The following ADAMTS5 variants were observed in gnomAD, a reference collection of about 807,000 sequenced individuals.
ADAMTS5 encodes ADAM metallopeptidase with thrombospondin type 1 motif 5, also known as A disintegrin and metalloproteinase with thrombospondin motifs 5.
Under a neutral mutation model 81.4 loss-of-function variants are expected in ADAMTS5, and 54 were observed. The ratio of observed to expected loss-of-function variants is 0.66; its 90% CI spans 0.53 to 0.83. The LOEUF (loss-of-function observed/expected upper bound fraction) is 0.83. Among genes scored for constraint, ADAMTS5 ranks in the 40% least tolerant of loss-of-function variants. The pLI is 0.00. For missense variants in ADAMTS5, 1,194 were observed against 1,229.9 expected (o/e 0.97, Z 0.44); for synonymous variants, 532 against 508.8 (o/e 1.05, Z -0.61).
chr21:26,917,992 C>A lies in ADAMTS5; in HGVS notation c.*6061G>T, dbSNP rs190400635. The stretch of plus-strand genomic sequence containing the variant: ...AGTGTTTAATTTTACAGTTTAAAGT[C>A]ACACATAGGGAAATGCTTTACAAAA... On this transcript the variant is annotated 3_prime_UTR_variant, in exon 8 of 8. Transcript: ENST00000284987. The A allele has an allele frequency of 1.3e-5, 2 of 152,136 alleles. No homozygotes were observed. Among genetic ancestry groups the A allele is most frequent in the African/African-American group, 4.8e-5 (2 of 41,520 alleles). 9.4% of individuals were successfully genotyped at this position (152,136 alleles called of 1,614,324 possible). A position where few individuals can be genotyped will look rare whatever the true frequency, so the allele number is the denominator to read the frequency against.
At position 26,924,212 on chromosome 21, in the gene ADAMTS5, C is replaced by T. The variant is rs1348520513; in HGVS notation, c.2634G>A (p.Gln878=). The T allele has an allele frequency of 6.2e-7, 1 of 1,614,228 alleles. No individual in the cohort carries two copies. Residue 878 remains glutamine, a synonymous_variant, in exon 8 of 8, where the codon CAG becomes CAA. Transcript: ENST00000284987. ...AGGCGAGCCATGGGCCCGTGACCCACTGCGGCTGCGAAGTGTGTGATCCCA... is the reference window on the plus strand; with the variant it reads ...AGGCGAGCCATGGGCCCGTGACCCATTGCGGCTGCGAAGTGTGTGATCCCA... ...NKVGSHTSQP[Q]WVTGPWLACS...
At position 26,943,628 on chromosome 21, in the gene ADAMTS5, A is replaced by AT. The variant is rs370027932; in HGVS notation, c.1238-82dup. On this transcript the variant is annotated intron_variant, in intron 2 of 7. Coordinates refer to ENST00000284987, the MANE Select transcript of ADAMTS5 (RefSeq NM_007038.5). ...TCCATGACAATTATGCTAGGGCTTG[A>AT]TTTTTTTCCCCTAATTGTAGATGAG... 20 of 1,340,748 alleles carry AT rather than the reference A, an allele frequency of 1.5e-5. No individual in the cohort carries two copies. The African/African-American group carries it at 2.2e-4, about 15-fold the overall frequency. 83.1% of individuals were successfully genotyped at this position (1,340,748 alleles called of 1,614,324 possible).
intron 2 of ADAMTS5, among the ~76,000 whole-genome samples, chr21:26,944,769 C>A (rs549661709): frequency 3.9e-5 from 6 of 152,224 alleles, no homozygotes; most frequent in Middle Eastern, 3.4e-3. Context: ...TAAAACCCAA[C>A]AGAGATGAAA....
In ADAMTS5 at chr21:26,965,907, C is replaced by G; in HGVS notation, c.485G>C (p.Arg162Pro). 2 of 1,613,868 alleles carry G rather than the reference C, an allele frequency of 1.2e-6. No homozygotes were observed. The highest frequency in any genetic ancestry group is 1.7e-6 in the Non-Finnish European group (2 of 1,179,930). ...GCGCAGCAGTGGCTTTAGGGTGTAG[C>G]GCGCGTGCTTGACCGCGAAGAAGCC... ...LDGFFAVKHA[R>P]YTLKPLLRGP... The change falls in exon 1 of 8, where the codon CGC becomes CCC. Residue 162 changes from arginine (R) to proline (P), a missense_variant. By Grantham distance (103) the Arg-to-Pro change is moderately radical. This residue lies in a region of ADAMTS5 where 498 missense variants were observed against 412.3 expected (regional missense o/e 1.21). Transcript: ENST00000284987.
intron 7 of ADAMTS5, among the ~76,000 whole-genome samples, chr21:26,928,522 T>C (rs1465668682): frequency 6.6e-6 from 1 of 152,208 alleles, no homozygotes; most frequent in African/African-American, 2.4e-5. Context: ...GAAGAGAATA[T>C]GTACCATAAA....
At chr21:26,930,178 T>C (rs1313776354) in intron 6 of ADAMTS5, 117 bp from the exon 7 acceptor site, 29 of 886,336 alleles carry the variant, frequency 3.3e-5, no homozygotes, top group Non-Finnish European at 4.1e-5. Flanking sequence ...GGACAGTCCA[T>C]TGAAAAAAAA....
At position 26,966,490 on chromosome 21, in the gene ADAMTS5, A is replaced by G. The variant is rs1987678231; in HGVS notation, c.-99T>C. ...GGGCGGGGGATGGGGACACACACAC[A>G]CTTGCTTGCAGGATTGAGTCAAGTG... is the stretch of plus-strand genomic sequence containing the variant. On this transcript the variant is annotated 5_prime_UTR_variant, in exon 1 of 8. Transcript: ENST00000284987. 8.7e-7 allele frequency: 1 copy of G among 1,153,324 alleles called. No homozygotes were observed. The highest frequency in any genetic ancestry group is 1.1e-6 in the Non-Finnish European group (1 of 885,396). The allele number at this position is 1,153,324 out of a possible 1,614,324, so 71.4% of individuals were successfully genotyped here. A position where few individuals can be genotyped will look rare whatever the true frequency, so the allele number is the denominator to read the frequency against.
intron 2 of ADAMTS5, among the ~76,000 whole-genome samples, chr21:26,946,854 G>A (rs1770674724): frequency 6.6e-6 from 1 of 152,154 alleles, no homozygotes; most frequent in Admixed American, 6.5e-5. Flanking sequence ...ACATAGAATG[G>A]CAATCCTTAC....
chr21:26,956,659 AT>A (rs11430490), intron 1 of ADAMTS5, among the ~76,000 whole-genome samples: 1 of 151,872 alleles, frequency 6.6e-6, no homozygotes, highest in African/African-American at 2.4e-5. Flanking sequence ...ATCTGCACAC[AT>A]TTTTTTTAAA....
chr21:26,931,666 C>G (rs1370843616), intron 6 of ADAMTS5, among the ~76,000 whole-genome samples: 1 of 152,118 alleles, frequency 6.6e-6, no homozygotes, highest in Non-Finnish European at 1.5e-5. Context: ...TTTATGGTCT[C>G]CTTTACAATG....
intron 3 of ADAMTS5, among the ~76,000 whole-genome samples, chr21:26,935,869 C>CAATATAT (rs1987004849): frequency 1.3e-5 from 2 of 152,180 alleles, no homozygotes; most frequent in Non-Finnish European, 2.9e-5. Context: ...AGGATTTACA[C>CAATATAT]AATTATTATA....
chr21:26,966,121 C>T lies in ADAMTS5; in HGVS notation c.271G>A (p.Val91Ile), dbSNP rs764343373. 1 of 1,612,642 alleles carries T rather than the reference C, an allele frequency of 6.2e-7. No homozygotes were observed. Reference protein sequence around the residue: ...YSGGGKVGYLVYAGGRRFLLD... With the variant: ...YSGGGKVGYLIYAGGRRFLLD... ...AGGAACCTCCGGCCGCCCGCGTAGACGAGGTAGCCCACCTTGCCGCCGCCG... is the reference window on the plus strand; with the variant it reads ...AGGAACCTCCGGCCGCCCGCGTAGATGAGGTAGCCCACCTTGCCGCCGCCG... The change falls in exon 1 of 8, where the codon GTC (valine) becomes ATC (isoleucine). Residue 91 changes from valine to isoleucine, a missense_variant. Physicochemically the swap from Val to Ile is conservative, Grantham distance 29. Transcript: ENST00000284987.
rs1365290972 is a variant in ADAMTS5 at position 26,966,391 on chromosome 21, TA to T, written c.-1del. ...AGCAGGGACGCCCACCCGAGCAGCA[TA>T]GTGCGCTGCCCGCGGGGAGGGGCTG... On this transcript the variant is annotated 5_prime_UTR_variant, in exon 1 of 8. Coordinates refer to ENST00000284987, the MANE Select transcript of ADAMTS5 (RefSeq NM_007038.5). 1 of 1,447,862 alleles carries T rather than the reference TA, an allele frequency of 6.9e-7. No individual in the cohort carries two copies. Among genetic ancestry groups the T allele is most frequent in the African/African-American group, 1.5e-5 (1 of 66,898 alleles). 89.7% of individuals were successfully genotyped at this position (1,447,862 alleles called of 1,614,324 possible). A position where few individuals can be genotyped will look rare whatever the true frequency, so the allele number is the denominator to read the frequency against.
Position 26,923,940 on chromosome 21 carries a change from G to A in ADAMTS5, c.*113C>T, listed in dbSNP as rs1986749206. 23 of 1,147,990 alleles carry A rather than the reference G, an allele frequency of 2.0e-5. No individual in the cohort carries two copies. The South Asian group carries it at 3.8e-4, about 19-fold the overall frequency. The allele number at this position is 1,147,990 out of a possible 1,614,324, so 71.1% of individuals were successfully genotyped here. On this transcript the variant is annotated 3_prime_UTR_variant, in exon 8 of 8. Coordinates refer to ENST00000284987, the MANE Select transcript of ADAMTS5 (RefSeq NM_007038.5). The stretch of plus-strand genomic sequence containing the variant: ...TTCTGCCCATAATTGGACTCCTGTT[G>A]ACAATGTCACTGAAGCATGACTTTC...
chr21:26,954,293 A>T (rs1009142630), intron 2 of ADAMTS5, among the ~76,000 whole-genome samples: 2 of 152,082 alleles, frequency 1.3e-5, no homozygotes, highest in African/African-American at 4.8e-5. Flanking sequence ...GCCATTGATG[A>T]CCTTTGACAG....
chr21:26,927,184 A>G (rs539678608), intron 7 of ADAMTS5, among the ~76,000 whole-genome samples: 1 of 152,320 alleles, frequency 6.6e-6, no homozygotes, highest in African/African-American at 2.4e-5. Flanking sequence ...GTTCAGGGCT[A>G]TCTGCACAGT....
rs1309582451 is a variant in ADAMTS5 at position 26,921,474 on chromosome 21, GC to G, written c.*2578del. 6.9e-6 allele frequency: 1 copy of G among 144,780 alleles called. No homozygotes were observed. The highest frequency in any genetic ancestry group is 2.5e-5 in the African/African-American group (1 of 39,238). The allele number at this position is 144,780 out of a possible 1,614,324, so 9.0% of individuals were successfully genotyped here. On this transcript the variant is annotated 3_prime_UTR_variant, in exon 8 of 8. Transcript: ENST00000284987. ...TTTTTTTTTTTTTTTTAAAGAAGTA[GC>G]CCCTAGCATCCTGAATTCTAGACAT... is the stretch of plus-strand genomic sequence containing the variant.
At position 26,920,331 on chromosome 21, in the gene ADAMTS5, T is replaced by C. The variant is rs954208170; in HGVS notation, c.*3722A>G. On this transcript the variant is annotated 3_prime_UTR_variant, in exon 8 of 8. Transcript: ENST00000284987. Reference sequence around the variant, plus strand: ...GCAAGCTGATGTCATCAGAGGTGACTCTGCCTATTTCAAGTCCTATAATCA... The same window carrying C: ...GCAAGCTGATGTCATCAGAGGTGACCCTGCCTATTTCAAGTCCTATAATCA... 2 of 152,078 alleles carry C rather than the reference T, an allele frequency of 1.3e-5. No homozygotes were observed. The highest frequency in any genetic ancestry group is 1.3e-4 in the Admixed American group (2 of 15,254). The allele number at this position is 152,078 out of a possible 1,614,324, so 9.4% of individuals were successfully genotyped here.
At chr21:26,943,013 T>C (rs1987142575) in intron 3 of ADAMTS5, among the ~76,000 whole-genome samples, 2 of 152,130 alleles carry the variant, frequency 1.3e-5, no homozygotes, top group South Asian at 4.1e-4. Flanking sequence ...AACAAATAAT[T>C]CTGAGAGTCA....
Sources: gnomAD v4.1 joint callset for allele counts (sites outside exome capture counted in the v4.1 genomes callset) on GRCh38, gnomAD v4.1.1 for gene constraint, gnomAD v4.1.1 regional missense constraint, MANE v1.5 for transcripts, NCBI Gene and HGNC (gene_info 2026-07-23, HGNC 2026-07-21) for gene names.